PPP6R2: variants seen among roughly 807,000 people sequenced by gnomAD.
The protein encoded by PPP6R2 is protein phosphatase 6 regulatory subunit 2.
A neutral mutation model predicts 100.2 loss-of-function variants in PPP6R2; 62 were observed. The ratio of observed to expected loss-of-function variants is 0.62; its 90% CI spans 0.50 to 0.76. The LOEUF (loss-of-function observed/expected upper bound fraction) is 0.76. Among genes scored for constraint, PPP6R2 ranks in the 30% least tolerant of loss-of-function variants. PPP6R2 has a pLI of 0.00. For missense variants in PPP6R2, 1,142 were observed against 1,276.3 expected (o/e 0.89, Z 1.60); for synonymous variants, 525 against 514.7 (o/e 1.02, Z -0.27).
At chr22:50,374,526 T>C (rs2051002294) in intron 2 of PPP6R2, among the ~76,000 whole-genome samples, 1 of 152,130 alleles carries the variant, frequency 6.6e-6, no homozygotes, top group South Asian at 2.1e-4. Flanking sequence ...GATGTATTAT[T>C]CGAAGTATTA....
At chr22:50,340,580 GGT>G (rs1196634955), upstream of PPP6R2, among the ~76,000 whole-genome samples, 1 of 120,682 alleles carries the variant, frequency 8.3e-6, no homozygotes. Context: ...TGTGGTATGT[GGT>G]GTGTGGTGTG....
At chr22:50,355,733 G>C (rs1470577864) in intron 1 of PPP6R2, among the ~76,000 whole-genome samples, 1 of 143,414 alleles carries the variant, frequency 7.0e-6, no homozygotes, top group East Asian at 2.1e-4. Context: ...GTGTTAGCCA[G>C]GATGGTCTCG....
chr22:50,422,431 G>A, intron 9 of PPP6R2, 51 bp downstream of exon 9: 1 of 1,600,306 alleles, frequency 6.2e-7, no homozygotes, highest in Non-Finnish European at 8.5e-7. Context: ...CGCAGGAGAG[G>A]TTGATTTGCA....
chr22:50,443,677 G>T (rs1204894729), intron 22 of PPP6R2, 189 bp from the exon 23 acceptor site: 36 of 742,356 alleles, frequency 4.8e-5, no homozygotes, highest in Non-Finnish European at 8.5e-6. Flanking sequence ...CCAGTACTTG[G>T]AACTTGGGGC....
chr22:50,398,724 A>C (rs1477327086), intron 3 of PPP6R2, among the ~76,000 whole-genome samples: 2 of 151,890 alleles, frequency 1.3e-5, no homozygotes, highest in Non-Finnish European at 2.9e-5. Context: ...CATGTTGGCC[A>C]GGCTGGTCTT....
rs1190036455 is a variant in PPP6R2, at chr22:50,444,087, T to C, written c.2801T>C (p.Val934Ala). ...IMAVTAAPAM[V>A]ATLGTVTKDG... ...GCAGTCACAGCAGCCCCAGCCATGGTGGCCACCCTGGGGACAGTGACAAAG... is the reference window on the plus strand; with the variant it reads ...GCAGTCACAGCAGCCCCAGCCATGGCGGCCACCCTGGGGACAGTGACAAAG... Residue 934 changes from valine (V) to alanine (A), a missense_variant, in exon 23 of 24, where the codon GTG becomes GCG. By Grantham distance (64) the Val-to-Ala change is moderately conservative. Transcript: ENST00000612753. 2 of 1,612,768 alleles carry C rather than the reference T, an allele frequency of 1.2e-6. No homozygotes were observed. The highest frequency in any genetic ancestry group is 1.7e-5 in the Admixed American group (1 of 59,996).
intron 4 of PPP6R2, 75 bp from the exon 5 acceptor site, chr22:50,414,477 T>C: frequency 6.6e-7 from 1 of 1,523,882 alleles, no homozygotes; most frequent in East Asian, 2.3e-5. Flanking sequence ...AACTTTCCCA[T>C]GAGAGTTTTT....
At chr22:50,363,937 C>T (rs1315004061) in intron 1 of PPP6R2, among the ~76,000 whole-genome samples, 1 of 151,526 alleles carries the variant, frequency 6.6e-6, no homozygotes, top group Non-Finnish European at 1.5e-5. Context: ...TCTTGTCGCC[C>T]AGGCTGGAGT....
At chr22:50,335,301 G>A in the PPP6R2 span, among the ~76,000 whole-genome samples, 1 of 147,610 alleles carries the variant, frequency 6.8e-6, no homozygotes, top group Admixed American at 7.0e-5. Flanking sequence ...CTCACCTGGT[G>A]ATCCACCTGC....
chr22:50,333,636 CT>C, the PPP6R2 span, among the ~76,000 whole-genome samples: 1 of 152,186 alleles, frequency 6.6e-6, no homozygotes, highest in Non-Finnish European at 1.5e-5. Context: ...CTGGCCCCAG[CT>C]TTGCTCTTTT....
chr22:50,357,419 C>G (rs1253804871), intron 1 of PPP6R2, among the ~76,000 whole-genome samples: 1 of 151,386 alleles, frequency 6.6e-6, no homozygotes, highest in Non-Finnish European at 1.5e-5. Flanking sequence ...CCTCTTCTTT[C>G]TTTTCTTTTC....
chr22:50,386,560 AAAG>A (rs2054295682), intron 2 of PPP6R2, among the ~76,000 whole-genome samples: 1 of 152,194 alleles, frequency 6.6e-6, no homozygotes, highest in South Asian at 2.1e-4. Flanking sequence ...AGGAGGTCCC[AAAG>A]AACAGTGGCT....
At chr22:50,382,423 C>T (rs574548350) in intron 2 of PPP6R2, among the ~76,000 whole-genome samples, 22 of 151,632 alleles carry the variant, frequency 1.5e-4, no homozygotes, top group African/African-American at 4.6e-4. Flanking sequence ...ATGGTGAAAC[C>T]CCGTCTCTAC....
chr22:50,417,677 G>A (rs1305905346), intron 6 of PPP6R2, among the ~76,000 whole-genome samples: 8 of 151,976 alleles, frequency 5.3e-5, no homozygotes, highest in Non-Finnish European at 1.5e-5. Context: ...GTTGGCGTCT[G>A]TAGGAAACAA....
chr22:50,444,402 C>T lies in PPP6R2; in HGVS notation c.*155C>T. 9.8e-7 allele frequency: 1 copy of T among 1,016,858 alleles called. No homozygotes were observed. 63.0% of individuals were successfully genotyped at this position (1,016,858 alleles called of 1,614,324 possible). On this transcript the variant is annotated 3_prime_UTR_variant, in exon 24 of 24. Coordinates refer to ENST00000612753, the MANE Select transcript of PPP6R2 (RefSeq NM_001242898.2). ...TGGCAGTTGAAACCAGTTGGACGGC[C>T]CAGCTTGCGTCTCTTCTGCCTGAGT...
intron 17 of PPP6R2, 120 bp downstream of exon 17, chr22:50,438,020 C>A: frequency 6.7e-7 from 1 of 1,497,984 alleles, no homozygotes; most frequent in Non-Finnish European, 9.1e-7. Context: ...CTCTGTGGAG[C>A]TCGGAACAGT....
chr22:50,375,984 G>A lies in PPP6R2; in HGVS notation c.-17+3834G>A, dbSNP rs555461819. Among the ~76,000 whole-genome samples the A allele has an allele frequency of 1.2e-4, 18 of 151,758 alleles. No homozygotes were observed. The South Asian group carries it at 3.8e-3, about 32-fold the overall frequency. On this transcript the variant is annotated intron_variant, in intron 2 of 23. Coordinates refer to ENST00000612753, the MANE Select transcript of PPP6R2 (RefSeq NM_001242898.2). Reference sequence around the variant, plus strand: ...GCCTTGCAAGTAGCTGGGACTATAGGCGTGTGTCCGGCTAATTTTTGTATT... The same window carrying A: ...GCCTTGCAAGTAGCTGGGACTATAGACGTGTGTCCGGCTAATTTTTGTATT...
intron 10 of PPP6R2, among the ~76,000 whole-genome samples, chr22:50,428,450 T>G (rs2062582188): frequency 6.6e-6 from 1 of 152,116 alleles, no homozygotes; most frequent in African/African-American, 2.4e-5. Flanking sequence ...GTGGCTCATG[T>G]TTGTAATCCC....
At chr22:50,401,649 CTTT>C (rs368734439) in intron 3 of PPP6R2, among the ~76,000 whole-genome samples, 1 of 138,186 alleles carries the variant, frequency 7.2e-6, no homozygotes, top group Admixed American at 7.2e-5. Flanking sequence ...TTTCTTTTTT[CTTT>C]TTTTTTTTGA....
Sources: gnomAD v4.1 joint callset for allele counts (sites outside exome capture counted in the v4.1 genomes callset) on GRCh38, gnomAD v4.1.1 for gene constraint, MANE v1.5 for transcripts, NCBI Gene and HGNC (gene_info 2026-07-23, HGNC 2026-07-21) for gene names.